Variants in DENND1A observed in about 807,000 individuals in gnomAD.
DENND1A encodes DENN domain-containing protein 1A.
In DENND1A, 51 loss-of-function variants were observed where a neutral mutation model predicts 113.7. The observed-to-expected ratio is 0.45, with a 90% confidence interval of 0.36 to 0.57. DENND1A has a LOEUF of 0.57. Among genes scored for constraint, DENND1A ranks in the 20% least tolerant of loss-of-function variants. The pLI, the probability that DENND1A is intolerant of heterozygous loss-of-function variation, is 0.00. For synonymous variants in DENND1A, 565 were observed against 570.8 expected (o/e 0.99, Z 0.14); for missense variants, 1,258 against 1,395.9 (o/e 0.90, Z 1.57).
chr9:123,701,181 T>C lies in DENND1A; in HGVS notation c.303-24392A>G, dbSNP rs534473580. ...AAAAGCATGAACTCAGAAGTAAAAA[T>C]TGATAGAAGGTAGAGCAAAATGGCA... On this transcript the variant is annotated intron_variant, in intron 5 of 23. Coordinates refer to ENST00000394215, the MANE Select transcript of DENND1A (RefSeq NM_001352964.2). Among the ~76,000 whole-genome samples the C allele has an allele frequency of 1.6e-4, 24 of 152,142 alleles. No individual in the cohort carries two copies. In the East Asian group the frequency reaches 2.3e-3, roughly 15 times the overall value.
intron 11 of DENND1A, among the ~76,000 whole-genome samples, chr9:123,585,116 C>A (rs1043197862): frequency 5.0e-4 from 76 of 152,322 alleles, no homozygotes; most frequent in African/African-American, 1.8e-3. Context: ...GCAGCAGAAT[C>A]CCGGAACCTT....
intron 8 of DENND1A, among the ~76,000 whole-genome samples, chr9:123,659,408 C>G (rs1290799628): frequency 7.2e-5 from 11 of 152,048 alleles, no homozygotes; most frequent in Non-Finnish European, 1.2e-4. Flanking sequence ...AAATATATGC[C>G]CCATAAAAGG....
intron 13 of DENND1A, among the ~76,000 whole-genome samples, chr9:123,501,258 G>T (rs1002067096): frequency 3.3e-5 from 5 of 152,148 alleles, no homozygotes; most frequent in Non-Finnish European, 5.9e-5. Flanking sequence ...CCATGGTGTA[G>T]CATGTGTCAG....
intron 21 of DENND1A, among the ~76,000 whole-genome samples, chr9:123,389,737 G>A (rs1315733722): frequency 3.3e-5 from 5 of 152,238 alleles, no homozygotes; most frequent in South Asian, 2.1e-4. Context: ...TCAGACATTT[G>A]CAGGGACTTG....
At chr9:123,572,025 T>G (rs1393833371) in intron 12 of DENND1A, among the ~76,000 whole-genome samples, 1 of 152,026 alleles carries the variant, frequency 6.6e-6, no homozygotes, top group Non-Finnish European at 1.5e-5. Context: ...TTTACATACC[T>G]TAAGATTCAC....
At position 123,531,564 on chromosome 9, in the gene DENND1A, C is replaced by CT. The variant is rs1564661985; in HGVS notation, c.993+26005_993+26006insA. 3.3e-3 allele frequency among the ~76,000 whole-genome samples: 356 copies of CT among 106,394 alleles called. 4 individuals are homozygous for CT. The highest frequency in any genetic ancestry group is 0.013 in the African/African-American group (345 of 26,178). 69.8% of individuals were successfully genotyped at this position (106,394 alleles called of 152,430 possible). ...TCCCCCCTCTCTCTCTACACACACA[C>CT]ACACACACACACACACACACACACA... On this transcript the variant is annotated intron_variant, in intron 13 of 23. Transcript: ENST00000394215.
intron 13 of DENND1A, among the ~76,000 whole-genome samples, chr9:123,542,292 T>G (rs1368468360): frequency 6.6e-6 from 1 of 152,194 alleles, no homozygotes; most frequent in Non-Finnish European, 1.5e-5. Context: ...CCTTACCTAT[T>G]GTACAGTTGA....
At chr9:123,578,723 A>G (rs1008332044) in intron 12 of DENND1A, among the ~76,000 whole-genome samples, 2 of 152,238 alleles carry the variant, frequency 1.3e-5, no homozygotes, top group African/African-American at 4.8e-5. Flanking sequence ...AAAACTGACA[A>G]GTAAAAGGGA....
At chr9:123,408,834 C>A (rs570496440) in intron 20 of DENND1A, among the ~76,000 whole-genome samples, 4 of 152,356 alleles carry the variant, frequency 2.6e-5, no homozygotes, top group African/African-American at 9.6e-5. Context: ...AACACAGAGT[C>A]CACTGTAGCT....
intron 2 of DENND1A, among the ~76,000 whole-genome samples, chr9:123,863,099 G>A: frequency 6.6e-6 from 1 of 152,130 alleles, no homozygotes; most frequent in East Asian, 1.9e-4. Flanking sequence ...AGACAATTCT[G>A]GCCAATGGCC....
chr9:123,458,309 C>T (rs1050327770), intron 13 of DENND1A, among the ~76,000 whole-genome samples: 5 of 152,102 alleles, frequency 3.3e-5, no homozygotes, highest in Admixed American at 3.3e-4. Context: ...CCCCCATCTG[C>T]TAACTTTTCT....
At chr9:123,495,139 CTT>C (rs2051762356) in intron 13 of DENND1A, among the ~76,000 whole-genome samples, 1 of 75,268 alleles carries the variant, frequency 1.3e-5, no homozygotes, top group Non-Finnish European at 3.4e-5. Flanking sequence ...ATCATTGTCT[CTT>C]TCTCTCTCTC....
chr9:123,672,398 G>A (rs1253489066), intron 6 of DENND1A, among the ~76,000 whole-genome samples: 1 of 151,824 alleles, frequency 6.6e-6, no homozygotes, highest in African/African-American at 2.4e-5. Flanking sequence ...AACAGTTGTA[G>A]AAATTGTTGA....
In DENND1A at chr9:123,722,240, G is replaced by A. The variant is rs184024063; in HGVS notation, c.302+35463C>T. Among the ~76,000 whole-genome samples, 22 of 152,298 alleles carry A rather than the reference G, an allele frequency of 1.4e-4. No individual in the cohort carries two copies. The East Asian group carries it at 4.3e-3, about 29-fold the overall frequency. On this transcript the variant is annotated intron_variant, in intron 5 of 23. Transcript: ENST00000394215. ...TGAGAAAGATGATTTAGGGTATCCG[G>A]CAGAAGAAATTTCTAAGCAGCAAAG...
intron 3 of DENND1A, among the ~76,000 whole-genome samples, chr9:123,777,223 C>T (rs1830599447): frequency 6.6e-6 from 1 of 152,190 alleles, no homozygotes; most frequent in Admixed American, 6.5e-5. Context: ...AAAAGGCCTC[C>T]AGTATGCAGT....
At chr9:123,896,331 A>C (rs899675809) in intron 1 of DENND1A, among the ~76,000 whole-genome samples, 2 of 145,684 alleles carry the variant, frequency 1.4e-5, no homozygotes, top group South Asian at 4.4e-4. Context: ...ACAAACAAAC[A>C]AAAAAAAAAA....
At chr9:123,897,142 T>C (rs547050247) in intron 1 of DENND1A, among the ~76,000 whole-genome samples, 1 of 152,210 alleles carries the variant, frequency 6.6e-6, no homozygotes, top group Non-Finnish European at 1.5e-5. Flanking sequence ...AGAAAATACC[T>C]CTATAAAACC....
chr9:123,847,762 T>A (rs773429440), intron 2 of DENND1A, among the ~76,000 whole-genome samples: 29 of 152,052 alleles, frequency 1.9e-4, no homozygotes, highest in Non-Finnish European at 3.2e-4. Context: ...TGGCAAAACC[T>A]TGTCTCTACC....
rs1049851110 is a variant in DENND1A, at chr9:123,705,077, AAAAC to A, written c.303-28292_303-28289del. Reference sequence around the variant, plus strand: ...CCACGCAAGATGAATTTAAAAAAAAAAAACAAACAAACACATGAGAGACAAAGCA... The same window carrying A: ...CCACGCAAGATGAATTTAAAAAAAAAAAACAAACACATGAGAGACAAAGCA... On this transcript the variant is annotated intron_variant, in intron 5 of 23. Transcript: ENST00000394215. Among the ~76,000 whole-genome samples the A allele has an allele frequency of 6.4e-4, 98 of 152,126 alleles. 1 individual carries two copies. The highest frequency in any genetic ancestry group is 3.4e-3 in the Middle Eastern group (1 of 294).
Sources: allele counts gnomAD v4.1 joint callset (sites outside exome capture counted in the v4.1 genomes callset), GRCh38; gene constraint gnomAD v4.1.1; transcripts MANE v1.5; gene names NCBI Gene and HGNC (gene_info 2026-07-23, HGNC 2026-07-21).